PNPLA5: variants seen among roughly 807,000 people sequenced by gnomAD.
PNPLA5 encodes the protein patatin-like phospholipase domain-containing protein 5.
PNPLA5 carries 44 observed loss-of-function variants against 49.1 expected under a neutral mutation model. The observed-to-expected ratio is 0.90, with a 90% CI of 0.70 to 1.15. The LOEUF is 1.15. Among genes scored for constraint, PNPLA5 ranks in the 50% most tolerant of loss-of-function variants. The pLI is 0.00. For missense variants in PNPLA5, 603 were observed against 564.0 expected (o/e 1.07, Z -0.70); for synonymous variants, 243 against 244.4 (o/e 0.99, Z 0.06).
intron 4 of PNPLA5, among the ~76,000 whole-genome samples, chr22:43,888,625 G>A (rs1016416058): frequency 1.3e-5 from 2 of 152,080 alleles, no homozygotes; most frequent in African/African-American, 4.8e-5. Flanking sequence ...AGTAGACACA[G>A]GGTTTCACCA....
At chr22:43,891,667 C>T (rs1010673862) in intron 1 of PNPLA5, 21 bp downstream of exon 1, 33 of 1,526,670 alleles carry the variant, frequency 2.2e-5, no homozygotes, top group Non-Finnish European at 2.8e-5. Flanking sequence ...CCCCTTTTCG[C>T]CCCCGCGGTC....
chr22:43,891,642 A>T, intron 1 of PNPLA5, 46 bp downstream of exon 1: 7 of 1,497,496 alleles, frequency 4.7e-6, no homozygotes, highest in Non-Finnish European at 5.3e-6. Flanking sequence ...ATCCGCTTTC[A>T]TTAAGCTGTC....
chr22:43,890,096 G>A (rs939719366), intron 2 of PNPLA5: 10 of 985,084 alleles, frequency 1.0e-5, no homozygotes, highest in African/African-American at 1.7e-5. Flanking sequence ...AGGGAAGGAG[G>A]CCAGGTGCAG....
In PNPLA5 at chr22:43,891,731, A is replaced by G. The variant is rs1173101297; in HGVS notation, c.150T>C (p.Ser50=). The change falls in exon 1 of 9, where the codon TCT becomes TCC. Residue 50 remains serine, a synonymous_variant. Coordinates refer to ENST00000216177, the MANE Select transcript of PNPLA5 (RefSeq NM_138814.4). Reference sequence around the variant, plus strand: ...CGATGCTGACTGCGTTGAGCGCCCCAGACGAGGAACCGTAGATGCGGCGGG... The same window carrying G: ...CGATGCTGACTGCGTTGAGCGCCCCGGACGAGGAACCGTAGATGCGGCGGG... ...QGARRIYGSS[S]GALNAVSIVC... 1 of 1,547,768 alleles carries G rather than the reference A, an allele frequency of 6.5e-7. No individual in the cohort carries two copies. The highest frequency in any genetic ancestry group is 8.7e-7 in the Non-Finnish European group (1 of 1,145,952).
In PNPLA5 at chr22:43,891,817, C is replaced by A. The variant is rs1356577372; in HGVS notation, c.64G>T (p.Ala22Ser). 10 of 1,520,402 alleles carry A rather than the reference C, an allele frequency of 6.6e-6. No homozygotes were observed. Among genetic ancestry groups the A allele is most frequent in the Middle Eastern group, 2.1e-4 (1 of 4,806 alleles). 94.2% of individuals were successfully genotyped at this position (1,520,402 alleles called of 1,614,324 possible). A position where few individuals can be genotyped will look rare whatever the true frequency, so the allele number is the denominator to read the frequency against. ...CATTCGGTGGCGCCCACGTGGTGGG[C>A]GCCCAGGTAGCCGGCGCCGGAGAAG... ...LSFSGAGYLGAHHVGATECLR... is the reference protein window; with the variant it reads ...LSFSGAGYLGSHHVGATECLR... Residue 22 changes from alanine to serine, a missense_variant, in exon 1 of 9, where the codon GCC (alanine) becomes TCC (serine). Coordinates refer to ENST00000216177, the MANE Select transcript of PNPLA5 (RefSeq NM_138814.4).
At chr22:43,882,214 C>T (rs765137306) in intron 7 of PNPLA5, among the ~76,000 whole-genome samples, 3 of 152,236 alleles carry the variant, frequency 2.0e-5, no homozygotes, top group African/African-American at 2.4e-5. Flanking sequence ...TGACAGAGCC[C>T]CCTCTTGCTC....
At chr22:43,888,273 G>A (rs2049685884) in intron 4 of PNPLA5, among the ~76,000 whole-genome samples, 1 of 151,986 alleles carries the variant, frequency 6.6e-6, no homozygotes, top group Admixed American at 6.6e-5. Flanking sequence ...GAGTACCGGA[G>A]TAAATGAACA....
chr22:43,889,180 G>A (rs2049696215), intron 4 of PNPLA5, 149 bp downstream of exon 4: 2 of 853,262 alleles, frequency 2.3e-6, no homozygotes, highest in African/African-American at 3.4e-5. Flanking sequence ...CCAAGCTTAG[G>A]ATTCAGGTGT....
rs532510442 is a variant in PNPLA5 at position 43,890,471 on chromosome 22, G to A, written c.426+591C>T. On this transcript the variant is annotated intron_variant, in intron 2 of 8. Transcript: ENST00000216177. ...ACTGTGTGCCTGCACTTGAGCGTGC[G>A]CGTACACACTATTGGCAAATAATAG... is the stretch of plus-strand genomic sequence containing the variant. Among the ~76,000 whole-genome samples the A allele has an allele frequency of 3.7e-4, 56 of 152,298 alleles. 1 individual carries two copies. In the Middle Eastern group the frequency reaches 0.014, roughly 37 times the overall value.
Position 43,886,898 on chromosome 22 carries a change from A to G in PNPLA5, c.764-410T>C, listed in dbSNP as rs113707837. Among the ~76,000 whole-genome samples the G allele has an allele frequency of 5.5e-4, 84 of 152,334 alleles. 1 individual carries two copies. In the Middle Eastern group the frequency reaches 0.031, roughly 56 times the overall value. ...TCTGGGCACATATTAAGCGCTCGCC[A>G]AATGCCTCCTGATTGTGTGTTTTTG... On this transcript the variant is annotated intron_variant, in intron 5 of 8. Coordinates refer to ENST00000216177, the MANE Select transcript of PNPLA5 (RefSeq NM_138814.4).
In PNPLA5 at chr22:43,884,203, C is replaced by T. The variant is rs746696338; in HGVS notation, c.1082+10G>A. The T allele has an allele frequency of 2.0e-5, 31 of 1,533,734 alleles. 1 individual carries two copies. Among genetic ancestry groups the T allele is most frequent in the Middle Eastern group, 3.5e-4 (2 of 5,742 alleles). Reference sequence around the variant, plus strand: ...CCAGGCCCTTCCCAGGCCCCCTGGCCGAGCCTTACCTTCTGCTGCGGAAGT... The same window carrying T: ...CCAGGCCCTTCCCAGGCCCCCTGGCTGAGCCTTACCTTCTGCTGCGGAAGT... On this transcript the variant is annotated intron_variant, in intron 7 of 8. Coordinates refer to ENST00000216177, the MANE Select transcript of PNPLA5 (RefSeq NM_138814.4).
At position 43,886,343 on chromosome 22, in the gene PNPLA5, A is replaced by G; in HGVS notation, c.909T>C (p.Asp303=). Residue 303 remains aspartate (D), a synonymous_variant, in exon 6 of 9, where the codon GAT becomes GAC. Transcript: ENST00000216177. ...GTGAGAGCTGCTCAAAGTTGGGTAC[A>G]TCCTTGACTTGCACATGGGGCACTT... ...NWKVPHVQVK[D]VPNFEQLSPE... 6.2e-7 allele frequency: 1 copy of G among 1,614,076 alleles called. No individual in the cohort carries two copies. The highest frequency in any genetic ancestry group is 8.5e-7 in the Non-Finnish European group (1 of 1,179,990).
At chr22:43,884,984 T>C (rs2049647633) in intron 6 of PNPLA5, among the ~76,000 whole-genome samples, 1 of 152,234 alleles carries the variant, frequency 6.6e-6, no homozygotes. Flanking sequence ...CCAGAGACCC[T>C]GCTCCACATC....
rs113844289 is a variant in PNPLA5, at chr22:43,881,238, C to T, written c.1199+320G>A. Among the ~76,000 whole-genome samples, 521 of 152,302 alleles carry T rather than the reference C, an allele frequency of 3.4e-3. 3 individuals carry two copies. Among genetic ancestry groups the T allele is most frequent in the African/African-American group, 0.012 (503 of 41,562 alleles). On this transcript the variant is annotated intron_variant, in intron 8 of 8. Transcript: ENST00000216177. ...AGCCTCGTCCAAGGTCACGTGGGGA[C>T]GTCTGGAACAATGGCAGGAGGACTG...
intron 6 of PNPLA5, 200 bp from the exon 7 acceptor site, chr22:43,884,545 C>G: frequency 3.0e-6 from 1 of 331,694 alleles, no homozygotes; most frequent in Non-Finnish European, 4.3e-6. Context: ...TGTATGCCCT[C>G]TCGTAGATGA....
chr22:43,886,196 A>G (rs1272124742), intron 6 of PNPLA5, 107 bp downstream of exon 6: 21 of 1,264,584 alleles, frequency 1.7e-5, no homozygotes, highest in Admixed American at 2.6e-5. Context: ...TCAGTAAATG[A>G]GTCCTGTCCT....
At chr22:43,886,622 C>G in intron 5 of PNPLA5, 134 bp from the exon 6 acceptor site, 2 of 1,434,788 alleles carry the variant, frequency 1.4e-6, no homozygotes, top group Non-Finnish European at 1.8e-6. Flanking sequence ...ACAGCTTATT[C>G]CGGATGACTC....
intron 7 of PNPLA5, among the ~76,000 whole-genome samples, chr22:43,882,435 G>A (rs1378956405): frequency 6.6e-6 from 1 of 152,232 alleles, no homozygotes; most frequent in Admixed American, 6.5e-5. Flanking sequence ...CAGCACCCTT[G>A]GAGGGGCCCC....
intron 5 of PNPLA5, 21 bp from the exon 6 acceptor site, chr22:43,886,509 G>A (rs1010980852): frequency 6.3e-7 from 1 of 1,597,230 alleles, no homozygotes; most frequent in South Asian, 1.1e-5. Flanking sequence ...GGAAGGGAGA[G>A]GATAAGTCAA....
Sources: allele counts gnomAD v4.1 joint callset (sites outside exome capture counted in the v4.1 genomes callset), GRCh38; gene constraint gnomAD v4.1.1; transcripts MANE v1.5; gene names NCBI Gene and HGNC (gene_info 2026-07-23, HGNC 2026-07-21).